Variants in ADCY5 observed in about 807,000 individuals in gnomAD.
The protein encoded by ADCY5 is adenylate cyclase type 5.
In ADCY5, 30 loss-of-function variants were observed where a neutral mutation model predicts 119.7. That is an observed-to-expected ratio of 0.25 (90% CI 0.19 to 0.34). ADCY5 has a LOEUF of 0.34. Among genes scored for constraint, ADCY5 ranks in the 10% least tolerant of loss-of-function variants. The probability of loss-of-function intolerance (pLI) is 1.00; values close to 1 mark genes in which losing one functional copy is unlikely to be tolerated. For missense variants in ADCY5, 1,324 were observed against 1,775.2 expected (o/e 0.75, Z 4.57); for synonymous variants, 753 against 762.2 (o/e 0.99, Z 0.20).
Position 123,328,616 on chromosome 3 carries a change from C to T in ADCY5, c.1805+28G>A, listed in dbSNP as rs201370241. 3 of 1,610,744 alleles carry T rather than the reference C, an allele frequency of 1.9e-6. No homozygotes were observed. In the African/African-American group the frequency reaches 4.0e-5, roughly 21 times the overall value. On this transcript the variant is annotated intron_variant, in intron 6 of 20. Coordinates refer to ENST00000462833, the MANE Select transcript of ADCY5 (RefSeq NM_183357.3). ...GCTTGAGTGGGAACCCAGGTCGGGGCCCCAAGCCACCCACAGCTGTCACTC... is the reference window on the plus strand; with the variant it reads ...GCTTGAGTGGGAACCCAGGTCGGGGTCCCAAGCCACCCACAGCTGTCACTC...
intron 1 of ADCY5, among the ~76,000 whole-genome samples, chr3:123,355,093 A>G (rs1942988830): frequency 5.3e-5 from 8 of 152,218 alleles, no homozygotes; most frequent in Admixed American, 5.2e-4. Context: ...ATCACACTGG[A>G]GGTCCTAGCC....
intron 12 of ADCY5, among the ~76,000 whole-genome samples, chr3:123,310,493 A>T (rs908527699): frequency 2.0e-5 from 3 of 152,204 alleles, no homozygotes; most frequent in African/African-American, 7.2e-5. Context: ...TTGCAGGGTT[A>T]TCACTCGGAA....
In ADCY5 at chr3:123,447,933, G is replaced by T; in HGVS notation, c.613C>A (p.Leu205Met). 1 of 1,594,604 alleles carries T rather than the reference G, an allele frequency of 6.3e-7. No homozygotes were observed. The highest frequency in any genetic ancestry group is 8.6e-7 in the Non-Finnish European group (1 of 1,169,164). The change falls in exon 1 of 21, where the codon CTG (leucine) becomes ATG (methionine). Residue 205 changes from leucine (L) to methionine (M), a missense_variant. By Grantham distance (15) the Leu-to-Met change is conservative. Around this residue, in one of 6 missense-constraint regions of ADCY5, gnomAD observed 585 missense variants for 569.9 expected, o/e 1.03. Transcript: ENST00000462833. ...AGCAACGCCAGGCAGCAGGCGCCCA[G>T]GGACAGCACCGCGCCGGGCCCCGCG... is the stretch of plus-strand genomic sequence containing the variant. ...SGAGPGAVLS[L>M]GACCLALLQI...
intron 14 of ADCY5, 37 bp from the exon 15 acceptor site, chr3:123,300,332 C>A (rs1368459099): frequency 7.5e-6 from 12 of 1,603,400 alleles, no homozygotes; most frequent in Non-Finnish European, 9.4e-6. Flanking sequence ...CTCCCCAGGC[C>A]CTGCCCGACC....
chr3:123,286,679 A>G lies in ADCY5; in HGVS notation c.3657+6T>C. ...GGTGAGGGGTGGTGGATGCTCCTGC[A>G]CTCACCTGGATGCGGTCGGGTACAC... is the stretch of plus-strand genomic sequence containing the variant. On this transcript the variant is annotated splice_donor_region_variant and intron_variant, in intron 20 of 20. Coordinates refer to ENST00000462833, the MANE Select transcript of ADCY5 (RefSeq NM_183357.3). This position sits in a 1 kb window ranked among gnomAD's most constrained non-coding sequence, Gnocchi z 4.2. 6.2e-7 allele frequency: 1 copy of G among 1,605,978 alleles called. No homozygotes were observed. Among genetic ancestry groups the G allele is most frequent in the Non-Finnish European group, 8.5e-7 (1 of 1,176,216 alleles).
At chr3:123,293,231 G>A (rs1406665978) in intron 17 of ADCY5, among the ~76,000 whole-genome samples, 6 of 152,204 alleles carry the variant, frequency 3.9e-5, no homozygotes, top group East Asian at 1.9e-4. Context: ...CCAGGCAGGC[G>A]CTAGGCGGGT....
intron 1 of ADCY5, among the ~76,000 whole-genome samples, chr3:123,365,570 G>A (rs559174607): frequency 2.0e-5 from 3 of 152,290 alleles, no homozygotes; most frequent in East Asian, 3.9e-4. Context: ...AGAGAGCTTC[G>A]GTTCCTAATC....
rs73858738 is a variant in ADCY5, at chr3:123,335,085, C to T, written c.1407-2410G>A. ...CAACCAACCCAGAGTCCACTGCTGA[C>T]GACAACCCCTGCCCTCGCCACCCCA... On this transcript the variant is annotated intron_variant, in intron 3 of 20. Transcript: ENST00000462833. Among the ~76,000 whole-genome samples, 257 of 152,266 alleles carry T rather than the reference C, an allele frequency of 1.7e-3. 2 individuals carry two copies. The highest frequency in any genetic ancestry group is 5.1e-3 in the African/African-American group (210 of 41,544).
chr3:123,327,858 A>C, intron 6 of ADCY5, 99 bp from the exon 7 acceptor site: 2 of 1,396,714 alleles, frequency 1.4e-6, no homozygotes, highest in East Asian at 4.7e-5. Context: ...GGTTCACCAC[A>C]ATTCAAACCC....
rs1176252240 is a variant in ADCY5 at position 123,448,022 on chromosome 3, G to A, written c.524C>T (p.Ala175Val). The A allele has an allele frequency of 1.6e-6, 2 of 1,266,150 alleles. No homozygotes were observed. The highest frequency in any genetic ancestry group is 1.6e-5 in the African/African-American group (1 of 63,636). 78.4% of individuals were successfully genotyped at this position (1,266,150 alleles called of 1,614,324 possible). ...GKGRAADELEAGAVEGGEGSG... is the reference protein window; with the variant it reads ...GKGRAADELEVGAVEGGEGSG... ...CCCCTCGCCGCCCTCGACGGCGCCG[G>A]CCTCCAGCTCGTCGGCCGCGCGCCC... is the stretch of plus-strand genomic sequence containing the variant. The change falls in exon 1 of 21, where the codon GCC (alanine) becomes GTC (valine). Residue 175 changes from alanine to valine, a missense_variant. Coordinates refer to ENST00000462833, the MANE Select transcript of ADCY5 (RefSeq NM_183357.3).
rs527915807 is a variant in ADCY5 at position 123,429,691 on chromosome 3, AG to A, written c.1134+17720del. Among the ~76,000 whole-genome samples, 284 of 152,340 alleles carry A rather than the reference AG, an allele frequency of 1.9e-3. 1 individual carries two copies. The highest frequency in any genetic ancestry group is 3.4e-3 in the Non-Finnish European group (229 of 68,028). On this transcript the variant is annotated intron_variant, in intron 1 of 20. Transcript: ENST00000462833. ...CCTGATGGCCCATCCTCAAGAGGGCAGGGGGCAGGTGTAGTCAGGGGACAGC... is the reference window on the plus strand; with the variant it reads ...CCTGATGGCCCATCCTCAAGAGGGCAGGGGCAGGTGTAGTCAGGGGACAGC...
chr3:123,319,197 T>C (rs549261297), intron 10 of ADCY5, among the ~76,000 whole-genome samples: 1 of 151,474 alleles, frequency 6.6e-6, no homozygotes, highest in Non-Finnish European at 1.5e-5. Context: ...CTACTAAAAA[T>C]ACAAAAATTA....
chr3:123,415,706 T>C (rs971494895), intron 1 of ADCY5, among the ~76,000 whole-genome samples: 9 of 152,244 alleles, frequency 5.9e-5, no homozygotes, highest in South Asian at 2.1e-4. Context: ...TCTTACTACA[T>C]TGTTTTTCTT....
chr3:123,303,577 C>T (rs975623832), intron 13 of ADCY5, among the ~76,000 whole-genome samples: 1 of 152,028 alleles, frequency 6.6e-6, no homozygotes, highest in East Asian at 1.9e-4. Context: ...TTTGAGAGGC[C>T]GAGGCCCGCG....
intron 1 of ADCY5, among the ~76,000 whole-genome samples, chr3:123,362,953 C>A (rs1324475293): frequency 2.6e-5 from 4 of 151,688 alleles, no homozygotes; most frequent in Non-Finnish European, 5.9e-5. Context: ...ACCAGCCTGG[C>A]CAACATGGTG....
intron 9 of ADCY5, among the ~76,000 whole-genome samples, chr3:123,320,172 C>T (rs1941144681): frequency 6.6e-6 from 1 of 152,252 alleles, no homozygotes; most frequent in Admixed American, 6.5e-5. Flanking sequence ...TACCCTCTAG[C>T]TCTATCCTTC....
chr3:123,441,206 T>C (rs566637734), intron 1 of ADCY5, among the ~76,000 whole-genome samples: 2 of 152,280 alleles, frequency 1.3e-5, no homozygotes, highest in African/African-American at 4.8e-5. Flanking sequence ...TTGTTTTAAA[T>C]AGAGATCCAT....
chr3:123,440,527 TC>T (rs1402026069), intron 1 of ADCY5, among the ~76,000 whole-genome samples: 1 of 150,522 alleles, frequency 6.6e-6, no homozygotes, highest in African/African-American at 2.4e-5. Context: ...CACTTCCAAG[TC>T]CTTACCCTCC....
At chr3:123,306,615 A>G (rs1387103466) in intron 12 of ADCY5, among the ~76,000 whole-genome samples, 2 of 152,250 alleles carry the variant, frequency 1.3e-5, no homozygotes, top group African/African-American at 4.8e-5. Context: ...GGATGCAGAG[A>G]AACTGGAATC....
Sources: allele counts gnomAD v4.1 joint callset (sites outside exome capture counted in the v4.1 genomes callset), GRCh38; gene constraint gnomAD v4.1.1; regional missense constraint gnomAD v4.1.1; non-coding constraint Gnocchi (gnomAD v3.1); transcripts MANE v1.5; gene names NCBI Gene and HGNC (gene_info 2026-07-23, HGNC 2026-07-21).